Variants in AMBRA1 observed in about 807,000 individuals in gnomAD.
AMBRA1 encodes the protein autophagy and beclin 1 regulator 1, also known as activating molecule in BECN1-regulated autophagy protein 1.
In AMBRA1, 47 loss-of-function variants were observed where a neutral mutation model predicts 125.4. The observed-to-expected ratio is 0.37, with a 90% CI of 0.30 to 0.48. The LOEUF is 0.48. Among genes scored for constraint, AMBRA1 ranks in the 20% least tolerant of loss-of-function variants. The probability of loss-of-function intolerance (pLI) is 0.99; values close to 1 mark genes in which losing one functional copy is unlikely to be tolerated. For missense variants in AMBRA1, 1,331 were observed against 1,693.4 expected, an observed-to-expected ratio of 0.79 and a Z score of 3.76; for synonymous variants, 626 against 655.5, an observed-to-expected ratio of 0.95 and a Z score of 0.69.
intron 17 of AMBRA1, among the ~76,000 whole-genome samples, chr11:46,403,197 T>A (rs1454069734): frequency 1.3e-5 from 2 of 152,170 alleles, no homozygotes; most frequent in Non-Finnish European, 2.9e-5. Context: ...TACAACCATA[T>A]TTAATTCTAG....
rs987737642 is a variant in AMBRA1 at position 46,584,354 on chromosome 11, C to T, written c.-121+9474G>A. On this transcript the variant is annotated intron_variant, in intron 1 of 17. Transcript: ENST00000683756. ...CACATGGACACAGGAAGGGGAACATCACACTCTGGGGACTGTTGTGGGGTG... is the reference window on the plus strand; with the variant it reads ...CACATGGACACAGGAAGGGGAACATTACACTCTGGGGACTGTTGTGGGGTG... 7.4e-5 allele frequency among the ~76,000 whole-genome samples: 9 copies of T among 121,490 alleles called. No homozygotes were observed. The Admixed American group carries it at 8.4e-4, about 11-fold the overall frequency. The allele number at this position is 121,490 out of a possible 152,430, so 79.7% of individuals were successfully genotyped here.
At chr11:46,442,354 G>C (rs1325802231) in intron 12 of AMBRA1, among the ~76,000 whole-genome samples, 1 of 151,974 alleles carries the variant, frequency 6.6e-6, no homozygotes, top group African/African-American at 2.4e-5. Context: ...TGTTGGCCAG[G>C]CTGGTCTTGA....
intron 1 of AMBRA1, among the ~76,000 whole-genome samples, chr11:46,593,494 G>A (rs1283891156): frequency 6.6e-6 from 1 of 152,192 alleles, no homozygotes; most frequent in African/African-American, 2.4e-5. Flanking sequence ...AGACTTCGGG[G>A]TGGGGGGAAA....
At position 46,508,262 on chromosome 11, in the gene AMBRA1, G is replaced by A. The variant is rs1468488723; in HGVS notation, c.2268C>T (p.Ser756=). The change falls in exon 9 of 18, where the codon TCC becomes TCT. Residue 756 remains serine, a synonymous_variant. Transcript: ENST00000683756. ...GGTTGTCTGAGGAAGAGGAGGAGGT[G>A]GAAGAACGGAGACGGTTCTGTTGGT... ...MRYQQNRLRS[S]TSSSSSDNQG... is the part of the protein sequence containing the mutation. 2 of 1,614,098 alleles carry A rather than the reference G, an allele frequency of 1.2e-6. No homozygotes were observed. Among genetic ancestry groups the A allele is most frequent in the Non-Finnish European group, 1.7e-6 (2 of 1,180,044 alleles).
chr11:46,541,919 C>A lies in AMBRA1; in HGVS notation c.2072+26G>T, dbSNP rs1311192223. On this transcript the variant is annotated intron_variant, in intron 7 of 17. Transcript: ENST00000683756. ...GATACAAGGAGAAAAGCAAGGGATG[C>A]AGAAGATAGGAAAGCGACTGCTTAC... 4.4e-6 allele frequency: 7 copies of A among 1,596,504 alleles called. No homozygotes were observed. In the African/African-American group the frequency reaches 9.5e-5, roughly 22 times the overall value.
intron 17 of AMBRA1, among the ~76,000 whole-genome samples, chr11:46,401,493 C>A (rs1945757265): frequency 6.6e-6 from 1 of 152,158 alleles, no homozygotes; most frequent in South Asian, 2.1e-4. Flanking sequence ...CCCACTTGGA[C>A]CTCCCAAAGT....
At chr11:46,422,831 C>CA (rs1565141529) in intron 14 of AMBRA1, among the ~76,000 whole-genome samples, 1 of 152,124 alleles carries the variant, frequency 6.6e-6, no homozygotes, top group African/African-American at 2.4e-5. Context: ...TAAAACCTCG[C>CA]AGTGGTGGCC....
intron 11 of AMBRA1, among the ~76,000 whole-genome samples, chr11:46,476,629 C>A (rs2136902447): frequency 6.6e-6 from 1 of 152,214 alleles, no homozygotes; most frequent in East Asian, 1.9e-4. Flanking sequence ...TCCAGCTTTG[C>A]ACTGATATTT....
intron 17 of AMBRA1, among the ~76,000 whole-genome samples, chr11:46,403,702 CG>C (rs1945870208): frequency 6.6e-6 from 1 of 152,084 alleles, no homozygotes; most frequent in African/African-American, 2.4e-5. Flanking sequence ...AAAAAGCTGA[CG>C]CGTGCAAATA....
At position 46,424,503 on chromosome 11, in the gene AMBRA1, A is replaced by G. The variant is rs529135038; in HGVS notation, c.2977-6451T>C. 3.5e-4 allele frequency among the ~76,000 whole-genome samples: 53 copies of G among 152,338 alleles called. 1 individual carries two copies. Among genetic ancestry groups the G allele is most frequent in the Admixed American group, 3.3e-3 (50 of 15,306 alleles). ...AGAGATTACTTCAGCTGAGGAATCT[A>G]CTTCTGTGCTAAAAGAAATACTGAG... is the stretch of plus-strand genomic sequence containing the variant. On this transcript the variant is annotated intron_variant, in intron 14 of 17. Transcript: ENST00000683756.
intron 14 of AMBRA1, among the ~76,000 whole-genome samples, chr11:46,424,384 G>A (rs998474272): frequency 6.6e-6 from 1 of 152,098 alleles, no homozygotes; most frequent in African/African-American, 2.4e-5. Context: ...TGTTCCTGAA[G>A]GAGACCCCAA....
chr11:46,570,646 T>C (rs2043724583), intron 1 of AMBRA1, among the ~76,000 whole-genome samples: 1 of 152,108 alleles, frequency 6.6e-6, no homozygotes, highest in Admixed American at 6.6e-5. Context: ...GAACAGTAAT[T>C]TGATTGCTGT....
intron 1 of AMBRA1, among the ~76,000 whole-genome samples, chr11:46,582,663 G>A (rs1388202353): frequency 2.0e-5 from 3 of 152,086 alleles, no homozygotes; most frequent in Non-Finnish European, 1.5e-5. Context: ...TATATACCTT[G>A]GGCAAATTGC....
intron 14 of AMBRA1, among the ~76,000 whole-genome samples, chr11:46,420,197 C>T (rs1946783836): frequency 6.6e-6 from 1 of 152,210 alleles, no homozygotes; most frequent in Non-Finnish European, 1.5e-5. Context: ...CTCCTACACC[C>T]TTCCTGTAGG....
At chr11:46,430,403 T>TA (rs1270443454) in intron 14 of AMBRA1, among the ~76,000 whole-genome samples, 1 of 152,204 alleles carries the variant, frequency 6.6e-6, no homozygotes, top group Non-Finnish European at 1.5e-5. Flanking sequence ...AATCTTGTTT[T>TA]AAAAATACTA....
chr11:46,547,714 A>T, intron 3 of AMBRA1, 103 bp downstream of exon 3: 1 of 1,153,512 alleles, frequency 8.7e-7, no homozygotes, highest in South Asian at 1.3e-5. Context: ...TTCATACAGT[A>T]CTTCAGAGAG....
At chr11:46,569,688 T>A (rs531822047) in intron 1 of AMBRA1, among the ~76,000 whole-genome samples, 43 of 151,252 alleles carry the variant, frequency 2.8e-4, no homozygotes, top group African/African-American at 1.0e-3. Context: ...GAGGCTAAGG[T>A]GGGTGTATCA....
At chr11:46,544,112 G>T in intron 5 of AMBRA1, 71 bp from the exon 6 acceptor site, 1 of 1,281,234 alleles carries the variant, frequency 7.8e-7, no homozygotes, top group Non-Finnish European at 1.1e-6. Flanking sequence ...GGAAACTTGT[G>T]TTTGAATTTA....
chr11:46,573,416 CAA>C (rs1228184707), intron 1 of AMBRA1, among the ~76,000 whole-genome samples: 1 of 136,322 alleles, frequency 7.3e-6, no homozygotes, highest in Non-Finnish European at 1.6e-5. Context: ...AAAAACAAAA[CAA>C]AAAAAAAAAA....
Sources: allele counts gnomAD v4.1 joint callset (sites outside exome capture counted in the v4.1 genomes callset), GRCh38; gene constraint gnomAD v4.1.1; transcripts MANE v1.5; gene names NCBI Gene and HGNC (gene_info 2026-07-23, HGNC 2026-07-21).